PBX3: variants seen among roughly 807,000 people sequenced by gnomAD.
PBX3 encodes pre-B-cell leukemia transcription factor 3.
A neutral mutation model predicts 48.5 loss-of-function variants in PBX3; 14 were observed. The observed-to-expected ratio is 0.29, with a 90% CI of 0.19 to 0.45. PBX3 has a LOEUF of 0.45. Among genes scored for constraint, PBX3 ranks in the 20% least tolerant of loss-of-function variants. The pLI, the probability that PBX3 is intolerant of heterozygous loss-of-function variation, is 1.00. For synonymous variants in PBX3, 210 were observed against 200.3 expected, an observed-to-expected ratio of 1.05 and a Z score of -0.41; for missense variants, 386 against 546.7, an observed-to-expected ratio of 0.71 and a Z score of 2.93.
At chr9:125,961,472 A>G (rs969425878) in intron 6 of PBX3, among the ~76,000 whole-genome samples, 14 of 152,188 alleles carry the variant, frequency 9.2e-5, no homozygotes, top group African/African-American at 3.1e-4. Flanking sequence ...AATTTCAGGG[A>G]ACTTGAATAA....
rs1842534216 is a variant in PBX3 at position 125,966,426 on chromosome 9, T to C, written c.*503T>C. 1 of 152,956 alleles carries C rather than the reference T, an allele frequency of 6.5e-6. No homozygotes were observed. The highest frequency in any genetic ancestry group is 1.5e-5 in the Non-Finnish European group (1 of 68,218). 9.5% of individuals were successfully genotyped at this position (152,956 alleles called of 1,614,324 possible). On this transcript the variant is annotated 3_prime_UTR_variant, in exon 9 of 9. Transcript: ENST00000373489. The stretch of plus-strand genomic sequence containing the variant: ...TATCCCTGTTAATGATGGTTGTGTT[T>C]AAGAATCTTCCTCGTCACGTTTGTG...
At chr9:125,887,172 C>T (rs1442019613) in intron 2 of PBX3, among the ~76,000 whole-genome samples, 1 of 152,060 alleles carries the variant, frequency 6.6e-6, no homozygotes, top group Non-Finnish European at 1.5e-5. Context: ...ATGAAATTGT[C>T]AACTAATTCT....
intron 5 of PBX3, among the ~76,000 whole-genome samples, chr9:125,956,852 T>G (rs1224349102): frequency 6.6e-6 from 1 of 152,198 alleles, no homozygotes; most frequent in Non-Finnish European, 1.5e-5. Context: ...ACCATTCCAG[T>G]TCAGAGATGG....
chr9:125,813,034 A>G lies in PBX3; in HGVS notation c.274+64411A>G, dbSNP rs529020257. 2.0e-5 allele frequency among the ~76,000 whole-genome samples: 3 copies of G among 152,336 alleles called. No homozygotes were observed. The South Asian group carries it at 6.2e-4, about 32-fold the overall frequency. On this transcript the variant is annotated intron_variant, in intron 2 of 8. Transcript: ENST00000373489. The stretch of plus-strand genomic sequence containing the variant: ...ACCGCACACTTTATATATGATGTAC[A>G]CTTAGGCTATACTAAATTTATAAAA...
At chr9:125,836,363 T>C (rs956051442) in intron 2 of PBX3, among the ~76,000 whole-genome samples, 3 of 152,054 alleles carry the variant, frequency 2.0e-5, no homozygotes, top group African/African-American at 4.8e-5. Flanking sequence ...GAGAATGGCA[T>C]GAACCCGGGA....
At chr9:125,864,640 T>C (rs1164487230) in intron 2 of PBX3, among the ~76,000 whole-genome samples, 1 of 152,300 alleles carries the variant, frequency 6.6e-6, no homozygotes, top group East Asian at 1.9e-4. Flanking sequence ...ATCCCTTGCA[T>C]GCACAGATCA....
chr9:125,959,798 A>G (rs977826309), intron 5 of PBX3, among the ~76,000 whole-genome samples: 6 of 152,238 alleles, frequency 3.9e-5, no homozygotes, highest in African/African-American at 1.4e-4. Flanking sequence ...AAGAGAGGTC[A>G]GATCCTTTTA....
intron 2 of PBX3, among the ~76,000 whole-genome samples, chr9:125,898,370 G>A (rs75127838): frequency 0.049 from 7,357 of 150,468 alleles, 569 homozygotes; most frequent in African/African-American, 0.17. Context: ...GTATAATAAT[G>A]ATTCCCATTT....
At chr9:125,862,935 C>T (rs1839896506) in intron 2 of PBX3, among the ~76,000 whole-genome samples, 1 of 151,504 alleles carries the variant, frequency 6.6e-6, no homozygotes, top group Admixed American at 6.6e-5. Context: ...CACTCTGTCG[C>T]CCAGGCTGGA....
intron 5 of PBX3, among the ~76,000 whole-genome samples, chr9:125,956,871 C>T (rs942839397): frequency 6.6e-6 from 1 of 152,210 alleles, no homozygotes; most frequent in Non-Finnish European, 1.5e-5. Context: ...GGAGCAAGCT[C>T]TGCTCGCCTT....
intron 2 of PBX3, among the ~76,000 whole-genome samples, chr9:125,762,185 T>G (rs1836686875): frequency 6.6e-6 from 1 of 152,184 alleles, no homozygotes; most frequent in African/African-American, 2.4e-5. Context: ...TTTTTTTTCT[T>G]GTAAAAATTA....
chr9:125,919,254 C>T (rs865973721), intron 3 of PBX3, among the ~76,000 whole-genome samples: 5 of 151,300 alleles, frequency 3.3e-5, no homozygotes, highest in Non-Finnish European at 5.9e-5. Flanking sequence ...CACTCTGTCA[C>T]GCAGGCTGGA....
intron 2 of PBX3, among the ~76,000 whole-genome samples, chr9:125,836,029 A>C (rs891737958): frequency 3.3e-5 from 5 of 152,250 alleles, no homozygotes; most frequent in Non-Finnish European, 7.3e-5. Context: ...CATGAAAAAG[A>C]AAGAATGGAA....
At chr9:125,933,325 G>A (rs954562692) in intron 4 of PBX3, among the ~76,000 whole-genome samples, 1 of 152,196 alleles carries the variant, frequency 6.6e-6, no homozygotes, top group Non-Finnish European at 1.5e-5. Flanking sequence ...ATAAATTTGT[G>A]TAGGTCCGTC....
At chr9:125,809,824 C>T (rs572040467) in intron 2 of PBX3, among the ~76,000 whole-genome samples, 1 of 151,896 alleles carries the variant, frequency 6.6e-6, no homozygotes, top group African/African-American at 2.4e-5. Flanking sequence ...TTAAAGAATT[C>T]CTATAAATTA....
At chr9:125,899,487 A>C (rs4455974) in intron 2 of PBX3, among the ~76,000 whole-genome samples, 63,945 of 122,776 alleles carry the variant, frequency 0.52, 19,686 homozygotes, top group South Asian at 0.64. Flanking sequence ...AGAGAGAGAG[A>C]GCTCACCCAC....
chr9:125,780,090 G>A (rs1164211752), intron 2 of PBX3, among the ~76,000 whole-genome samples: 2 of 133,726 alleles, frequency 1.5e-5, no homozygotes, highest in Non-Finnish European at 1.6e-5. Flanking sequence ...CCTCCCGGAC[G>A]GGGCGGCTGG....
At chr9:125,842,149 G>C (rs1193510102) in intron 2 of PBX3, among the ~76,000 whole-genome samples, 1 of 152,118 alleles carries the variant, frequency 6.6e-6, no homozygotes, top group Non-Finnish European at 1.5e-5. Flanking sequence ...TTAAGATGGG[G>C]TTAGAAATAT....
chr9:125,868,485 TA>T (rs1246274823), intron 2 of PBX3, among the ~76,000 whole-genome samples: 1 of 152,128 alleles, frequency 6.6e-6, no homozygotes, highest in African/African-American at 2.4e-5. Context: ...CGTAGTGAAG[TA>T]AGACATAATG....
Sources: gnomAD v4.1 joint callset for allele counts (sites outside exome capture counted in the v4.1 genomes callset) on GRCh38, gnomAD v4.1.1 for gene constraint, MANE v1.5 for transcripts, NCBI Gene and HGNC (gene_info 2026-07-23, HGNC 2026-07-21) for gene names.